Variants in ENC1 observed in about 807,000 individuals in gnomAD.
The protein encoded by ENC1 is ectodermal-neural cortex 1, also known as ectoderm-neural cortex protein 1.
ENC1 carries 19 observed loss-of-function variants against 40.9 expected under a neutral mutation model. The observed-to-expected ratio is 0.46, with a 90% CI of 0.32 to 0.68. ENC1 has a LOEUF of 0.68. Ranked by LOEUF, ENC1 falls within the 30% of genes least tolerant of loss-of-function variation. The pLI, the probability that ENC1 is intolerant of heterozygous loss-of-function variation, is 0.03. For synonymous variants in ENC1, 285 were observed against 291.1 expected (o/e 0.98, Z 0.21); for missense variants, 479 against 737.5 (o/e 0.65, Z 4.06).
Position 74,628,536 on chromosome 5 carries a change from A to T in ENC1, c.*1489T>A, listed in dbSNP as rs1029637137. On this transcript the variant is annotated 3_prime_UTR_variant, in exon 3 of 3. Transcript: ENST00000302351. ...GTATTCACAACTGATTTCCAACTCT[A>T]CCGGAAAACTTCTCAATAGGGGCCA... 1.3e-5 allele frequency: 2 copies of T among 152,560 alleles called. No homozygotes were observed. Among genetic ancestry groups the T allele is most frequent in the Non-Finnish European group, 2.9e-5 (2 of 68,022 alleles). The allele number at this position is 152,560 out of a possible 1,614,324, so 9.5% of individuals were successfully genotyped here. A position where few individuals can be genotyped will look rare whatever the true frequency, so the allele number is the denominator to read the frequency against.
chr5:74,635,839 T>A lies in ENC1; in HGVS notation c.647A>T (p.Asn216Ile). 6.2e-7 allele frequency: 1 copy of A among 1,613,994 alleles called. No homozygotes were observed. Among genetic ancestry groups the A allele is most frequent in the Non-Finnish European group, 8.5e-7 (1 of 1,180,026 alleles). Residue 216 changes from asparagine (N) to isoleucine (I), a missense_variant, in exon 2 of 3, where the codon AAC becomes ATC. Asn to Ile is a moderately radical substitution (Grantham distance 149). Coordinates refer to ENST00000302351, the MANE Select transcript of ENC1 (RefSeq NM_003633.4). This position sits in a 1 kb window ranked among gnomAD's most constrained non-coding sequence, Gnocchi z 5.5. ...CTTCTTCAGGTCATAGCTGATCCAGTTAATTGCAGACTCGTACACAAGCCT... is the reference window on the plus strand; with the variant it reads ...CTTCTTCAGGTCATAGCTGATCCAGATAATTGCAGACTCGTACACAAGCCT... ...DERLVYESAINWISYDLKKRY... is the reference protein window; with the variant it reads ...DERLVYESAIIWISYDLKKRY...
At position 74,634,712 on chromosome 5, in the gene ENC1, G is replaced by C. The variant is rs1350092248; in HGVS notation, c.*4C>G. 2 of 1,594,630 alleles carry C rather than the reference G, an allele frequency of 1.3e-6. No individual in the cohort carries two copies. The highest frequency in any genetic ancestry group is 1.7e-6 in the Non-Finnish European group (2 of 1,163,152). Reference sequence around the variant, plus strand: ...ATGCTCACTCTCTTTAGAATGTACTGCATTTAAGAAGGCAGATGTTTCCAG... The same window carrying C: ...ATGCTCACTCTCTTTAGAATGTACTCCATTTAAGAAGGCAGATGTTTCCAG... On this transcript the variant is annotated 3_prime_UTR_variant, in exon 2 of 3. Transcript: ENST00000302351.
rs1425206054 is a variant in ENC1 at position 74,629,528 on chromosome 5, C to A, written c.*497G>T. 1 of 152,290 alleles carries A rather than the reference C, an allele frequency of 6.6e-6. No individual in the cohort carries two copies. Among genetic ancestry groups the A allele is most frequent in the Non-Finnish European group, 1.5e-5 (1 of 68,090 alleles). The allele number at this position is 152,290 out of a possible 1,614,324, so 9.4% of individuals were successfully genotyped here. ...GAGTCCAGTGGTCTTCATTCTTCAG[C>A]CAGCCCAGCCAGCTTCCCTCTCGGA... On this transcript the variant is annotated 3_prime_UTR_variant, in exon 3 of 3. Coordinates refer to ENST00000302351, the MANE Select transcript of ENC1 (RefSeq NM_003633.4).
Position 74,635,156 on chromosome 5 carries a change from G to A in ENC1, c.1330C>T (p.Leu444Phe), listed in dbSNP as rs1747531771. The change falls in exon 2 of 3, where the codon CTT (leucine) becomes TTT (phenylalanine). Residue 444 changes from leucine (L) to phenylalanine (F), a missense_variant. By Grantham distance (22) the Leu-to-Phe change is conservative. Coordinates refer to ENST00000302351, the MANE Select transcript of ENC1 (RefSeq NM_003633.4). This position sits in a 1 kb window ranked among gnomAD's most constrained non-coding sequence, Gnocchi z 5.5. ...GTACCTCCGAAAGCAAATAACTTAA[G>A]TTTGGCACTCACTACTGCGGCGTTG... is the stretch of plus-strand genomic sequence containing the variant. ...VSNAAVVSAKLKLFAFGGTSV... is the reference protein window; with the variant it reads ...VSNAAVVSAKFKLFAFGGTSV... The A allele has an allele frequency of 2.5e-6, 4 of 1,614,208 alleles. No homozygotes were observed. The highest frequency in any genetic ancestry group is 3.4e-6 in the Non-Finnish European group (4 of 1,180,044).
chr5:74,639,564 A>AT (rs1198865151), intron 1 of ENC1, among the ~76,000 whole-genome samples: 1 of 152,180 alleles, frequency 6.6e-6, no homozygotes, highest in African/African-American at 2.4e-5. Context: ...AACTAAGCAG[A>AT]TTTTTTTCTG....
chr5:74,635,554 T>C lies in ENC1; in HGVS notation c.932A>G (p.Tyr311Cys). The change falls in exon 2 of 3, where the codon TAT (tyrosine) becomes TGT (cysteine). Residue 311 changes from tyrosine (Y) to cysteine (C), a missense_variant. Transcript: ENST00000302351. The surrounding 1 kb of genome is among the most constrained non-coding windows in gnomAD (Gnocchi z 5.5). The part of the protein sequence containing the change: ...GGQTFMCDKL[Y>C]LVDQKAKEII... ...TTCTTTGGCCTTCTGGTCTACCAGATACAACTTGTCACACATGAAAGTCTG... is the reference window on the plus strand; with the variant it reads ...TTCTTTGGCCTTCTGGTCTACCAGACACAACTTGTCACACATGAAAGTCTG... 3 of 1,614,230 alleles carry C rather than the reference T, an allele frequency of 1.9e-6. No homozygotes were observed. The highest frequency in any genetic ancestry group is 8.5e-7 in the Non-Finnish European group (1 of 1,180,040).
At chr5:74,634,108 G>A (rs1272923289) in intron 2 of ENC1, among the ~76,000 whole-genome samples, 1 of 152,106 alleles carries the variant, frequency 6.6e-6, no homozygotes, top group African/African-American at 2.4e-5. Context: ...TCTGGGATGG[G>A]CAGTTTTTAA....
intron 2 of ENC1, 58 bp downstream of exon 2, chr5:74,634,626 T>C: frequency 2.5e-6 from 2 of 810,688 alleles, no homozygotes; most frequent in Admixed American, 2.3e-5. Flanking sequence ...CCCCATGTAC[T>C]GAACTTACAC....
At chr5:74,633,025 T>C (rs1193643568) in intron 2 of ENC1, among the ~76,000 whole-genome samples, 1 of 152,136 alleles carries the variant, frequency 6.6e-6, no homozygotes, top group Non-Finnish European at 1.5e-5. Flanking sequence ...CCTTCAAAGG[T>C]GTGAAACATA....
At chr5:74,632,551 TA>T (rs771766984) in intron 2 of ENC1, among the ~76,000 whole-genome samples, 1 of 151,674 alleles carries the variant, frequency 6.6e-6, no homozygotes, top group African/African-American at 2.4e-5. Flanking sequence ...ACTGAAGAAG[TA>T]AAAAAAATAG....
chr5:74,631,002 A>G (rs1561190419), intron 2 of ENC1, among the ~76,000 whole-genome samples: 1 of 152,142 alleles, frequency 6.6e-6, no homozygotes, highest in Non-Finnish European at 1.5e-5. Context: ...CTACGGTGTC[A>G]TTGCCCCACC....
At position 74,629,433 on chromosome 5, in the gene ENC1, A is replaced by T. The variant is rs111318749; in HGVS notation, c.*592T>A. Reference sequence around the variant, plus strand: ...TATAAATAGAAAAGAACATCTACCAAATGGCTACCAACAAAGTCCCCATTG... The same window carrying T: ...TATAAATAGAAAAGAACATCTACCATATGGCTACCAACAAAGTCCCCATTG... On this transcript the variant is annotated 3_prime_UTR_variant, in exon 3 of 3. Transcript: ENST00000302351. The T allele has an allele frequency of 6.6e-6, 1 of 152,196 alleles. No homozygotes were observed. Among genetic ancestry groups the T allele is most frequent in the Non-Finnish European group, 1.5e-5 (1 of 68,046 alleles). 9.4% of individuals were successfully genotyped at this position (152,196 alleles called of 1,614,324 possible).
In ENC1 at chr5:74,635,944, T is replaced by A. The variant is rs1747572769; in HGVS notation, c.542A>T (p.Lys181Met). ...MCLSNFQTIRKNEDFLQLPQD... is the reference protein window; with the variant it reads ...MCLSNFQTIRMNEDFLQLPQD... ...GGGCAGCTGGAGGAAATCTTCATTC[T>A]TCCTGATGGTTTGGAAGTTGCTGAG... Residue 181 changes from lysine (K) to methionine (M), a missense_variant, in exon 2 of 3, where the codon AAG (lysine) becomes ATG (methionine). Lys to Met is a moderately conservative substitution (Grantham distance 95). Transcript: ENST00000302351. This position sits in a 1 kb window ranked among gnomAD's most constrained non-coding sequence, Gnocchi z 5.5. 6.2e-7 allele frequency: 1 copy of A among 1,614,132 alleles called. No homozygotes were observed.
In ENC1 at chr5:74,629,160, C is replaced by T. The variant is rs1211560296; in HGVS notation, c.*865G>A. On this transcript the variant is annotated 3_prime_UTR_variant, in exon 3 of 3. Coordinates refer to ENST00000302351, the MANE Select transcript of ENC1 (RefSeq NM_003633.4). Reference sequence around the variant, plus strand: ...ATTTTGTCATCCTTCCCTGTCTTGACATTTTAAAAATCCACCCCTCCCCAA... The same window carrying T: ...ATTTTGTCATCCTTCCCTGTCTTGATATTTTAAAAATCCACCCCTCCCCAA... 6.6e-6 allele frequency: 1 copy of T among 152,196 alleles called. No individual in the cohort carries two copies. Among genetic ancestry groups the T allele is most frequent in the Admixed American group, 6.5e-5 (1 of 15,284 alleles). 9.4% of individuals were successfully genotyped at this position (152,196 alleles called of 1,614,324 possible).
intron 2 of ENC1, among the ~76,000 whole-genome samples, chr5:74,634,100 T>C (rs530516525): frequency 2.0e-4 from 31 of 152,140 alleles, no homozygotes; most frequent in Non-Finnish European, 2.6e-4. Context: ...ACTAAGTCTC[T>C]GGGATGGGCA....
chr5:74,634,843 C>A lies in ENC1; in HGVS notation c.1643G>T (p.Gly548Val). The change falls in exon 2 of 3, where the codon GGC becomes GTC. Residue 548 changes from glycine (G) to valine (V), a missense_variant. By Grantham distance (109) the Gly-to-Val change is moderately radical. Transcript: ENST00000302351. ...GTCCAAAGTCTTGCATCGCTGAATG[C>A]CAAAGTATCCTCCAACCACGTAGAG... ...NKLYVVGGYFGIQRCKTLDCY... is the reference protein window; with the variant it reads ...NKLYVVGGYFVIQRCKTLDCY... The A allele has an allele frequency of 1.2e-6, 2 of 1,614,148 alleles. No individual in the cohort carries two copies. The highest frequency in any genetic ancestry group is 1.7e-6 in the Non-Finnish European group (2 of 1,179,988).
rs891306805 is a variant in ENC1, at chr5:74,640,316, G to T, written c.-23C>A. On this transcript the variant is annotated 5_prime_UTR_variant, in exon 1 of 3. Coordinates refer to ENST00000302351, the MANE Select transcript of ENC1 (RefSeq NM_003633.4). ...AGTGGGGGAAACTTACAGCAGTGGC[G>T]ACTGGCCGCAACGCACAACTGAGTT... The T allele has an allele frequency of 1.3e-5, 2 of 152,638 alleles. No homozygotes were observed. The highest frequency in any genetic ancestry group is 4.8e-5 in the African/African-American group (2 of 41,464). 9.5% of individuals were successfully genotyped at this position (152,638 alleles called of 1,614,324 possible). A position where few individuals can be genotyped will look rare whatever the true frequency, so the allele number is the denominator to read the frequency against.
rs1044827191 is a variant in ENC1, at chr5:74,634,835, G to A, written c.1651C>T (p.Arg551Ter). ...TCGTAGCAGTCCAAAGTCTTGCATC[G>A]CTGAATGCCAAAGTATCCTCCAACC... is the stretch of plus-strand genomic sequence containing the variant. ...YVVGGYFGIQ[R>*]CKTLDCYDPT... The change falls in exon 2 of 3, where the codon CGA becomes TGA. Residue 551 changes from arginine to a stop codon, truncating the protein, a stop_gained. Transcript: ENST00000302351. LOFTEE classifies it high-confidence loss of function. 1.9e-6 allele frequency: 3 copies of A among 1,613,998 alleles called. No homozygotes were observed. Among genetic ancestry groups the A allele is most frequent in the Admixed American group, 1.7e-5 (1 of 60,030 alleles).
rs1747825312 is a variant in ENC1, at chr5:74,640,587, G to A, written c.-294C>T. On this transcript the variant is annotated 5_prime_UTR_variant, in exon 1 of 3. Coordinates refer to ENST00000302351, the MANE Select transcript of ENC1 (RefSeq NM_003633.4). ...GGGCAGAGCAAGCCTGCCACTGCAG[G>A]CGCCGCGGAAGGAGGCGGGCTGTGC... is the stretch of plus-strand genomic sequence containing the variant. 6.6e-6 allele frequency: 1 copy of A among 152,376 alleles called. No homozygotes were observed. Among genetic ancestry groups the A allele is most frequent in the Non-Finnish European group, 1.5e-5 (1 of 68,160 alleles). 9.4% of individuals were successfully genotyped at this position (152,376 alleles called of 1,614,324 possible). A position where few individuals can be genotyped will look rare whatever the true frequency, so the allele number is the denominator to read the frequency against.
Sources: gnomAD v4.1 joint callset for allele counts (sites outside exome capture counted in the v4.1 genomes callset) on GRCh38, gnomAD v4.1.1 for gene constraint, Gnocchi (gnomAD v3.1) non-coding constraint, MANE v1.5 for transcripts, NCBI Gene and HGNC (gene_info 2026-07-23, HGNC 2026-07-21) for gene names.